Variants in SIPA1L2 observed in about 807,000 individuals in gnomAD.
SIPA1L2 encodes the protein signal-induced proliferation-associated 1-like protein 2.
A neutral mutation model predicts 163.9 loss-of-function variants in SIPA1L2; 56 were observed. The ratio of observed to expected loss-of-function variants is 0.34; its 90% CI spans 0.28 to 0.43. The LOEUF (loss-of-function observed/expected upper bound fraction) is 0.43. Among genes scored for constraint, SIPA1L2 ranks in the 20% least tolerant of loss-of-function variants. The pLI, the probability that SIPA1L2 is intolerant of heterozygous loss-of-function variation, is 1.00. For missense variants in SIPA1L2, 1,974 were observed against 2,193.5 expected, an observed-to-expected ratio of 0.90 and a Z score of 2.00; for synonymous variants, 877 against 865.7, an observed-to-expected ratio of 1.01 and a Z score of -0.23.
At chr1:232,619,264 T>G (rs2102886537) in intron 1 of SIPA1L2, among the ~76,000 whole-genome samples, 1 of 152,350 alleles carries the variant, frequency 6.6e-6, no homozygotes, top group South Asian at 2.1e-4. Flanking sequence ...CCTTGAATGT[T>G]TTCCTAACCA....
Position 232,464,984 on chromosome 1 carries a change from T to C in SIPA1L2, c.2676A>G (p.Val892=). 2.5e-6 allele frequency: 4 copies of C among 1,614,204 alleles called. No individual in the cohort carries two copies. The highest frequency in any genetic ancestry group is 3.4e-6 in the Non-Finnish European group (4 of 1,180,036). The change falls in exon 9 of 23, where the codon GTA becomes GTG. Residue 892 remains valine, a synonymous_variant. Transcript: ENST00000674635. The part of the protein sequence containing the change: ...MLIEKDSKNV[V]FNCSCRDVIG... ...TCACATCCCTGCAGGAACAGTTGAA[T>C]ACAACATTCTTGGAATCCTTTTCAA...
intron 2 of SIPA1L2, among the ~76,000 whole-genome samples, chr1:232,565,503 G>GA (rs1481746835): frequency 3.3e-5 from 5 of 152,180 alleles, no homozygotes; most frequent in African/African-American, 9.7e-5. Flanking sequence ...CACAGAGCAA[G>GA]AAAGACAGCA....
intron 2 of SIPA1L2, among the ~76,000 whole-genome samples, chr1:232,573,955 A>T (rs896276984): frequency 2.3e-4 from 35 of 152,318 alleles, no homozygotes; most frequent in Middle Eastern, 3.4e-3. Flanking sequence ...CAAAGCCTCC[A>T]GAGGCTTTGA....
chr1:232,527,325 C>T (rs796416380), intron 2 of SIPA1L2, among the ~76,000 whole-genome samples: 1 of 152,134 alleles, frequency 6.6e-6, no homozygotes, highest in East Asian at 1.9e-4. Flanking sequence ...AACAAAGTTT[C>T]CTGGAAACTC....
intron 3 of SIPA1L2, among the ~76,000 whole-genome samples, chr1:232,498,157 G>A (rs12403701): frequency 4.6e-5 from 7 of 151,984 alleles, no homozygotes; most frequent in African/African-American, 1.2e-4. Context: ...TGACAGGTGC[G>A]TAATAAACTG....
At chr1:232,430,231 T>A (rs1171373623) in intron 16 of SIPA1L2, among the ~76,000 whole-genome samples, 1 of 152,206 alleles carries the variant, frequency 6.6e-6, no homozygotes, top group Non-Finnish European at 1.5e-5. Context: ...TAGGAAGTAC[T>A]GAGCTAGCGG....
In SIPA1L2 at chr1:232,465,511, T is replaced by TATACATACACACACACACACAC; in HGVS notation, c.2244-117_2244-96dup. ...ACATATATATACACACACACACACA[T>TATACATACACACACACACACAC]ATACATACACACACACACACACATA... On this transcript the variant is annotated intron_variant, in intron 8 of 22. Coordinates refer to ENST00000674635, the MANE Select transcript of SIPA1L2 (RefSeq NM_020808.5). This position sits in a 1 kb window ranked among gnomAD's most constrained non-coding sequence, Gnocchi z 4.1. 2 of 900,260 alleles carry TATACATACACACACACACACAC rather than the reference T, an allele frequency of 2.2e-6. No individual in the cohort carries two copies. Among genetic ancestry groups the TATACATACACACACACACACAC allele is most frequent in the Non-Finnish European group, 3.4e-6 (2 of 589,920 alleles). 55.8% of individuals were successfully genotyped at this position (900,260 alleles called of 1,614,324 possible). A position where few individuals can be genotyped will look rare whatever the true frequency, so the allele number is the denominator to read the frequency against.
chr1:232,504,359 C>T (rs1409271207), intron 3 of SIPA1L2, among the ~76,000 whole-genome samples: 1 of 151,906 alleles, frequency 6.6e-6, no homozygotes, highest in East Asian at 1.9e-4. Context: ...GCCAACATGG[C>T]GAACCCCATC....
chr1:232,515,084 T>C lies in SIPA1L2; in HGVS notation c.256A>G (p.Lys86Glu), dbSNP rs969606277. Residue 86 changes from lysine (K) to glutamate (E), a missense_variant, in exon 3 of 23, where the codon AAA (lysine) becomes GAA (glutamate). Coordinates refer to ENST00000674635, the MANE Select transcript of SIPA1L2 (RefSeq NM_020808.5). ...GTTAGCTCCTTGGAACAGTCCTTTT[T>C]AGGAGGCCATTCAGACACCCTTGCT... ...VRARVSEWPP[K>E]KDCSKELTCK... The C allele has an allele frequency of 6.8e-6, 11 of 1,614,068 alleles. No individual in the cohort carries two copies. Among genetic ancestry groups the C allele is most frequent in the Non-Finnish European group, 9.3e-6 (11 of 1,179,954 alleles).
intron 2 of SIPA1L2, among the ~76,000 whole-genome samples, chr1:232,560,106 T>C (rs943568227): frequency 1.3e-5 from 2 of 152,210 alleles, no homozygotes; most frequent in Admixed American, 6.5e-5. Flanking sequence ...AGAACAGAAA[T>C]AGCCCTTGGC....
chr1:232,614,242 G>A (rs930168541), intron 1 of SIPA1L2, among the ~76,000 whole-genome samples: 9 of 151,570 alleles, frequency 5.9e-5, no homozygotes, highest in African/African-American at 2.2e-4. Flanking sequence ...TATTCCATCA[G>A]CCAAGGCCTG....
chr1:232,444,774 CAAGT>C (rs1663110177), intron 11 of SIPA1L2, among the ~76,000 whole-genome samples: 1 of 152,146 alleles, frequency 6.6e-6, no homozygotes, highest in Non-Finnish European at 1.5e-5. Flanking sequence ...TACAGTACAT[CAAGT>C]AAGTTAAGAG....
At chr1:232,571,933 A>G (rs1573102514) in intron 2 of SIPA1L2, among the ~76,000 whole-genome samples, 1 of 152,210 alleles carries the variant, frequency 6.6e-6, no homozygotes, top group Non-Finnish European at 1.5e-5. Context: ...TAAATTATCC[A>G]GCCTCAGGTA....
At chr1:232,419,090 G>A (rs1389982303) in intron 18 of SIPA1L2, among the ~76,000 whole-genome samples, 3 of 152,220 alleles carry the variant, frequency 2.0e-5, no homozygotes, top group Non-Finnish European at 4.4e-5. Flanking sequence ...GAAGCTTGGT[G>A]GCACATTTGG....
intron 3 of SIPA1L2, among the ~76,000 whole-genome samples, chr1:232,513,521 T>C (rs1261871362): frequency 6.6e-6 from 1 of 152,194 alleles, no homozygotes; most frequent in Non-Finnish European, 1.5e-5. Context: ...GAGGACAGAA[T>C]TAATCAGGGA....
chr1:232,603,888 C>G (rs564341336), intron 1 of SIPA1L2, among the ~76,000 whole-genome samples: 1 of 151,958 alleles, frequency 6.6e-6, no homozygotes, highest in African/African-American at 2.4e-5. Context: ...CTATTTTTGA[C>G]GACTAAGTAA....
Position 232,593,492 on chromosome 1 carries a change from T to C in SIPA1L2, c.-318-19270A>G, listed in dbSNP as rs144684605. Among the ~76,000 whole-genome samples, 744 of 152,334 alleles carry C rather than the reference T, an allele frequency of 4.9e-3. 6 individuals carry two copies. Among genetic ancestry groups the C allele is most frequent in the Non-Finnish European group, 6.9e-3 (472 of 68,026 alleles). ...TCTGGAGACATTACATTTTTTTAAA[T>C]GTAGCTCGCAGAATAAGAATTCTGA... On this transcript the variant is annotated intron_variant, in intron 1 of 22. Coordinates refer to ENST00000674635, the MANE Select transcript of SIPA1L2 (RefSeq NM_020808.5).
At chr1:232,571,986 C>A (rs933237689) in intron 2 of SIPA1L2, among the ~76,000 whole-genome samples, 1 of 152,198 alleles carries the variant, frequency 6.6e-6, no homozygotes, top group Non-Finnish European at 1.5e-5. Context: ...CAATGCATCA[C>A]AAATGTGCTC....
chr1:232,611,181 C>T (rs1293866256), intron 1 of SIPA1L2, among the ~76,000 whole-genome samples: 5 of 152,172 alleles, frequency 3.3e-5, no homozygotes, highest in Admixed American at 6.5e-5. Flanking sequence ...TTTTGCCTCC[C>T]GCCATGATTC....
Sources: allele counts gnomAD v4.1 joint callset (sites outside exome capture counted in the v4.1 genomes callset), GRCh38; gene constraint gnomAD v4.1.1; non-coding constraint Gnocchi (gnomAD v3.1); transcripts MANE v1.5; gene names NCBI Gene and HGNC (gene_info 2026-07-23, HGNC 2026-07-21).